The following KRTAP16-1 variants were observed in gnomAD, a reference collection of about 807,000 sequenced individuals.
KRTAP16-1 encodes keratin associated protein 16-1, also known as keratin-associated protein 16-1.
For missense variants in KRTAP16-1, 675 were observed against 657.7 expected (o/e 1.03, Z -0.29); for synonymous variants, 262 against 248.0 (o/e 1.06, Z -0.53).
chr17:41,308,437 C>G lies in KRTAP16-1; in HGVS notation c.817G>C (p.Val273Leu), dbSNP rs1340822560. 2 of 1,550,524 alleles carry G rather than the reference C, an allele frequency of 1.3e-6. No homozygotes were observed. Among genetic ancestry groups the G allele is most frequent in the South Asian group, 1.2e-5 (1 of 84,060 alleles). The change falls in exon 1 of 1, where the codon GTC becomes CTC. Residue 273 changes from valine (V) to leucine (L), a missense_variant. Transcript: ENST00000391352. ...ICQPATCVALVCEPVCLRPVC... is the reference protein window; with the variant it reads ...ICQPATCVALLCEPVCLRPVC... ...GGGCGGAGGCAAACTGGCTCACAGA[C>G]CAGAGCCACACACGTAGCTGGCTGG...
rs2016941032 is a variant in KRTAP16-1, at chr17:41,308,644, A to C, written c.610T>G (p.Cys204Gly). 7 of 1,550,850 alleles carry C rather than the reference A, an allele frequency of 4.5e-6. No individual in the cohort carries two copies. The highest frequency in any genetic ancestry group is 6.1e-6 in the Non-Finnish European group (7 of 1,147,102). The change falls in exon 1 of 1, where the codon TGT becomes GGT. Residue 204 changes from cysteine to glycine, a missense_variant. Physicochemically the swap from Cys to Gly is radical, Grantham distance 159. Coordinates refer to ENST00000391352, the MANE Select transcript of KRTAP16-1 (RefSeq NM_001146182.2). ...CKSSCCQPVV[C>G]EPSCCSAVCT... ...ACAGCTGAACAGCAGCTGGGCTCAC[A>C]GACAACTGGCTGGCAGCAGCTGGAT...
At position 41,309,117 on chromosome 17, in the gene KRTAP16-1, T is replaced by C. The variant is rs1467105294; in HGVS notation, c.137A>G (p.Gln46Arg). 1 of 1,550,598 alleles carries C rather than the reference T, an allele frequency of 6.4e-7. No homozygotes were observed. ...ACAGCTGGATGATCCACAGCTGTCTTGACAAGTCACCAGCTGCCATGTCTG... is the reference window on the plus strand; with the variant it reads ...ACAGCTGGATGATCCACAGCTGTCTCGACAAGTCACCAGCTGCCATGTCTG... ...QSQTWQLVTC[Q>R]DSCGSSSCGP... Residue 46 changes from glutamine to arginine, a missense_variant, in exon 1 of 1, where the codon CAA becomes CGA. Gln to Arg is a conservative substitution (Grantham distance 43). Transcript: ENST00000391352.
chr17:41,307,744 C>A lies in KRTAP16-1; in HGVS notation c.1510G>T (p.Ala504Ser), dbSNP rs755135332. 6.8e-5 allele frequency: 105 copies of A among 1,546,298 alleles called. No homozygotes were observed. Among genetic ancestry groups the A allele is most frequent in the Middle Eastern group, 1.7e-4 (1 of 5,966 alleles). The change falls in exon 1 of 1, where the codon GCC becomes TCC. Residue 504 changes from alanine to serine, a missense_variant. Transcript: ENST00000391352. ...AKPISPTTRE[A>S]AAAQPAASKP... ...CTGGCAGCAGGCTGAGCTGCTGCGG[C>A]CTCACGGGTGGTTGGGCTGATGGGT...
chr17:41,308,242 G>A lies in KRTAP16-1; in HGVS notation c.1012C>T (p.Arg338Cys), dbSNP rs1031775781. The change falls in exon 1 of 1, where the codon CGC becomes TGC. Residue 338 changes from arginine (R) to cysteine (C), a missense_variant. Physicochemically the swap from Arg to Cys is radical, Grantham distance 180. Transcript: ENST00000391352. ...PCQPTCYVVK[R>C]CPSVCPEPVS... ...GGCTCAGGGCAGACAGAAGGACAGC[G>A]CTTGACTACATAGCAAGTAGGTTGG... 2.9e-5 allele frequency: 45 copies of A among 1,550,546 alleles called. No homozygotes were observed. Among genetic ancestry groups the A allele is most frequent in the Admixed American group, 1.2e-4 (6 of 50,976 alleles).
Position 41,308,166 on chromosome 17 carries a change from G to A in KRTAP16-1, c.1088C>T (p.Ser363Phe), listed in dbSNP as rs1567653014. ...TGGTCGGCAGATGGCAGATGCAGAA[G>A]ACCCTGGACTGCAGGAAAGAGGTCG... is the stretch of plus-strand genomic sequence containing the variant. ...SCRPLSCSPG[S>F]SASAICRPTC... Residue 363 changes from serine (S) to phenylalanine (F), a missense_variant, in exon 1 of 1, where the codon TCT becomes TTT. Physicochemically the swap from Ser to Phe is radical, Grantham distance 155. Coordinates refer to ENST00000391352, the MANE Select transcript of KRTAP16-1 (RefSeq NM_001146182.2). The A allele has an allele frequency of 2.6e-6, 4 of 1,550,556 alleles. No individual in the cohort carries two copies. The highest frequency in any genetic ancestry group is 3.5e-6 in the Non-Finnish European group (4 of 1,147,004).
In KRTAP16-1 at chr17:41,308,945, G is replaced by A. The variant is rs1175862357; in HGVS notation, c.309C>T (p.Cys103=). Residue 103 remains cysteine, a synonymous_variant, in exon 1 of 1, where the codon TGC becomes TGT. Transcript: ENST00000391352. The stretch of plus-strand genomic sequence containing the variant: ...CAGGTTGGTAGCAGTTGCTCACAGA[G>A]CAAGAAGGCTCACAGGTGGTGGCCT... ...CCEATTCEPS[C]SVSNCYQPVC... is the part of the protein sequence containing the mutation. 1.9e-6 allele frequency: 3 copies of A among 1,550,346 alleles called. No individual in the cohort carries two copies. Among genetic ancestry groups the A allele is most frequent in the Non-Finnish European group, 2.6e-6 (3 of 1,146,950 alleles).
rs1272071939 is a variant in KRTAP16-1 at position 41,308,343 on chromosome 17, C to T, written c.911G>A (p.Cys304Tyr). Residue 304 changes from cysteine to tyrosine, a missense_variant, in exon 1 of 1, where the codon TGT becomes TAT. Coordinates refer to ENST00000391352, the MANE Select transcript of KRTAP16-1 (RefSeq NM_001146182.2). Reference sequence around the variant, plus strand: ...GATGGGTTGGCAGATACTGGAGACACAACAAGAAGGCTCTTGGCAAGTGCT... The same window carrying T: ...GATGGGTTGGCAGATACTGGAGACATAACAAGAAGGCTCTTGGCAAGTGCT... ...VPSTCQEPSC[C>Y]VSSICQPICS... 1 of 1,550,594 alleles carries T rather than the reference C, an allele frequency of 6.4e-7. No individual in the cohort carries two copies. The highest frequency in any genetic ancestry group is 2.4e-5 in the East Asian group (1 of 40,920).
In KRTAP16-1 at chr17:41,308,335, T is replaced by A; in HGVS notation, c.919A>T (p.Ser307Cys). Residue 307 changes from serine to cysteine, a missense_variant, in exon 1 of 1, where the codon AGT (serine) becomes TGT (cysteine). By Grantham distance (112) the Ser-to-Cys change is moderately radical (BLOSUM62 -1). Transcript: ENST00000391352. Reference sequence around the variant, plus strand: ...TCAGAGCAGATGGGTTGGCAGATACTGGAGACACAACAAGAAGGCTCTTGG... The same window carrying A: ...TCAGAGCAGATGGGTTGGCAGATACAGGAGACACAACAAGAAGGCTCTTGG... ...TCQEPSCCVS[S>C]ICQPICSEPS... 1.3e-6 allele frequency: 2 copies of A among 1,550,624 alleles called. No individual in the cohort carries two copies. The highest frequency in any genetic ancestry group is 1.2e-5 in the South Asian group (1 of 84,048).
In KRTAP16-1 at chr17:41,307,714, G is replaced by T; in HGVS notation, c.1540C>A (p.Pro514Thr). The T allele has an allele frequency of 6.6e-7, 1 of 1,525,816 alleles. No homozygotes were observed. Among genetic ancestry groups the T allele is most frequent in the Non-Finnish European group, 8.8e-7 (1 of 1,134,740 alleles). 94.5% of individuals were successfully genotyped at this position (1,525,816 alleles called of 1,614,324 possible). The change falls in exon 1 of 1, where the codon CCT becomes ACT. Residue 514 changes from proline to threonine, a missense_variant. Coordinates refer to ENST00000391352, the MANE Select transcript of KRTAP16-1 (RefSeq NM_001146182.2). ...AAAAQPAASK[P>T]ANC is the part of the protein sequence containing the mutation. ...CTGAAGCCAATTTAGCAGTTGGCAG[G>T]CTTGCTGGCAGCAGGCTGAGCTGCT...
At position 41,307,907 on chromosome 17, in the gene KRTAP16-1, G is replaced by C. The variant is rs1412711159; in HGVS notation, c.1347C>G (p.Phe449Leu). 6.4e-7 allele frequency: 1 copy of C among 1,550,592 alleles called. No homozygotes were observed. The highest frequency in any genetic ancestry group is 2.0e-5 in the Admixed American group (1 of 50,982). ...AGTCAGACTCAGTGCAAGATGGGCG[G>C]AAGTAGACTGGGCGGCAAGAGTAGG... ...VTSYSCRPVY[F>L]RPSCTESDSC... The change falls in exon 1 of 1, where the codon TTC becomes TTG. Residue 449 changes from phenylalanine to leucine, a missense_variant. By Grantham distance (22) the Phe-to-Leu change is conservative (BLOSUM62 0). Coordinates refer to ENST00000391352, the MANE Select transcript of KRTAP16-1 (RefSeq NM_001146182.2).
chr17:41,309,172 GGCCTCCACAGCTCACCTCAGTGGA>G lies in KRTAP16-1; in HGVS notation c.58_81del (p.Ser20_Gly27del). ...TGGCAGGAACTGGGCAGGCAGATGG[GGCCTCCACAGCTCACCTCAGTGGA>G]GCAGAGAGAGGTGGCTGGCACGGAG... On this transcript the variant is annotated inframe_deletion, in exon 1 of 1. Transcript: ENST00000391352. 6.4e-7 allele frequency: 1 copy of G among 1,550,582 alleles called. No individual in the cohort carries two copies. Among genetic ancestry groups the G allele is most frequent in the Non-Finnish European group, 8.7e-7 (1 of 1,146,958 alleles).
Position 41,308,703 on chromosome 17 carries a change from C to T in KRTAP16-1, c.551G>A (p.Cys184Tyr), listed in dbSNP as rs1207764172. 2.6e-6 allele frequency: 4 copies of T among 1,550,668 alleles called. No homozygotes were observed. The highest frequency in any genetic ancestry group is 2.6e-6 in the Non-Finnish European group (3 of 1,147,010). The part of the protein sequence containing the change: ...SEATSCQPVL[C>Y]VPTSCQPVLC... ...GACAGGCTGGCAGGAAGTGGGCACA[C>T]AGAGGACTGGTTGGCAGGAAGTGGC... Residue 184 changes from cysteine (C) to tyrosine (Y), a missense_variant, in exon 1 of 1, where the codon TGT (cysteine) becomes TAT (tyrosine). Coordinates refer to ENST00000391352, the MANE Select transcript of KRTAP16-1 (RefSeq NM_001146182.2).
In KRTAP16-1 at chr17:41,307,869, T is replaced by A. The variant is rs759943735; in HGVS notation, c.1385A>T (p.Asp462Val). ...SCTESDSCKR[D>V]CKKSTSSQLD... ...TTGGCTGGAAGTGGATTTTTTGCAA[T>A]CCCGTTTGCAAGAGTCAGACTCAGT... Residue 462 changes from aspartate to valine, a missense_variant, in exon 1 of 1, where the codon GAT (aspartate) becomes GTT (valine). By Grantham distance (152) the Asp-to-Val change is radical (BLOSUM62 -3). Coordinates refer to ENST00000391352, the MANE Select transcript of KRTAP16-1 (RefSeq NM_001146182.2). 3 of 1,550,492 alleles carry A rather than the reference T, an allele frequency of 1.9e-6. No individual in the cohort carries two copies. The African/African-American group carries it at 4.1e-5, about 21-fold the overall frequency.
chr17:41,308,889 G>A lies in KRTAP16-1; in HGVS notation c.365C>T (p.Ser122Phe). The A allele has an allele frequency of 6.5e-7, 1 of 1,548,674 alleles. No individual in the cohort carries two copies. The highest frequency in any genetic ancestry group is 1.4e-5 in the African/African-American group (1 of 73,154). The stretch of plus-strand genomic sequence containing the variant: ...TTGGCAGCAGTTGCTCACTGAGCAA[G>A]AAGGCTCACAGATGGTGGCCTCGAA... ...VCFEATICEPSCSVSNCCQPV... is the reference protein window; with the variant it reads ...VCFEATICEPFCSVSNCCQPV... Residue 122 changes from serine to phenylalanine, a missense_variant, in exon 1 of 1, where the codon TCT (serine) becomes TTT (phenylalanine). Transcript: ENST00000391352.
chr17:41,308,345 A>G lies in KRTAP16-1; in HGVS notation c.909T>C (p.Cys303=). The part of the protein sequence containing the change: ...SVPSTCQEPS[C]CVSSICQPIC... ...TGGGTTGGCAGATACTGGAGACACA[A>G]CAAGAAGGCTCTTGGCAAGTGCTGG... Residue 303 remains cysteine, a synonymous_variant, in exon 1 of 1, where the codon TGT becomes TGC. Coordinates refer to ENST00000391352, the MANE Select transcript of KRTAP16-1 (RefSeq NM_001146182.2). The G allele has an allele frequency of 6.4e-7, 1 of 1,550,614 alleles. No homozygotes were observed. Among genetic ancestry groups the G allele is most frequent in the South Asian group, 1.2e-5 (1 of 84,056 alleles).
Position 41,308,176 on chromosome 17 carries a change from T to A in KRTAP16-1, c.1078A>T (p.Ser360Cys). Residue 360 changes from serine (S) to cysteine (C), a missense_variant, in exon 1 of 1, where the codon AGT becomes TGT. Physicochemically the swap from Ser to Cys is moderately radical, Grantham distance 112. Transcript: ENST00000391352. ...ATGGCAGATGCAGAAGACCCTGGAC[T>A]GCAGGAAAGAGGTCGGCAGGAGGTA... ...PSTSCRPLSC[S>C]PGSSASAICR... The A allele has an allele frequency of 6.4e-7, 1 of 1,550,608 alleles. No homozygotes were observed. Among genetic ancestry groups the A allele is most frequent in the Non-Finnish European group, 8.7e-7 (1 of 1,146,984 alleles).
At position 41,309,057 on chromosome 17, in the gene KRTAP16-1, C is replaced by T. The variant is rs761216886; in HGVS notation, c.197G>A (p.Ser66Asn). 1.5e-4 allele frequency: 229 copies of T among 1,550,576 alleles called. No homozygotes were observed. Among genetic ancestry groups the T allele is most frequent in the Non-Finnish European group, 1.9e-4 (217 of 1,147,010 alleles). Residue 66 changes from serine (S) to asparagine (N), a missense_variant, in exon 1 of 1, where the codon AGT becomes AAT. Ser to Asn is a conservative substitution (Grantham distance 46). Coordinates refer to ENST00000391352, the MANE Select transcript of KRTAP16-1 (RefSeq NM_001146182.2). ...PQCRQPSCPV[S>N]SCAQPLCCDP... ...ACAGCACAGGGGTTGGGCACAGCTA[C>T]TCACAGGACAGGAGGGCTGACGGCA...
chr17:41,308,552 C>T lies in KRTAP16-1; in HGVS notation c.702G>A (p.Pro234=), dbSNP rs776339240. ...TACTGGTCACAGAGCAGGTAGGTGT[C>T]GGGCACACCGGCTGACAGCAGGAAG... ...CEPSCCQPVC[P]TPTCSVTSSC... Residue 234 remains proline, a synonymous_variant, in exon 1 of 1, where the codon CCG becomes CCA. Transcript: ENST00000391352. The T allele has an allele frequency of 4.1e-5, 64 of 1,550,512 alleles. No homozygotes were observed. The highest frequency in any genetic ancestry group is 3.3e-4 in the Middle Eastern group (2 of 6,014).
Position 41,307,750 on chromosome 17 carries a change from G to A in KRTAP16-1, c.1504C>T (p.Arg502Cys), listed in dbSNP as rs142831547. The A allele has an allele frequency of 2.4e-4, 368 of 1,548,034 alleles. 3 individuals are homozygous for A. In the African/African-American group the frequency reaches 3.7e-3, roughly 16 times the overall value. The change falls in exon 1 of 1, where the codon CGT becomes TGT. Residue 502 changes from arginine to cysteine, a missense_variant. Transcript: ENST00000391352. ...GCAGGCTGAGCTGCTGCGGCCTCAC[G>A]GGTGGTTGGGCTGATGGGTTTGGCT... ...TEAKPISPTT[R>C]EAAAAQPAAS... is the part of the protein sequence containing the mutation.
Sources: allele counts gnomAD v4.1 joint callset, GRCh38; gene constraint gnomAD v4.1.1; transcripts MANE v1.5; gene names NCBI Gene and HGNC (gene_info 2026-07-23, HGNC 2026-07-21).